PPFIA1: variants seen among roughly 807,000 people sequenced by gnomAD.
The protein encoded by PPFIA1 is PPFI scaffold protein A1.
In PPFIA1, 25 loss-of-function variants were observed where a neutral mutation model predicts 149.9. That is an observed-to-expected ratio of 0.17 (90% CI 0.12 to 0.23). The LOEUF (loss-of-function observed/expected upper bound fraction) is 0.23, where lower values mean the gene tolerates loss of function less well. PPFIA1 is among the 10% of genes least tolerant of loss of function. PPFIA1 has a pLI of 1.00. For missense variants in PPFIA1, 1,362 were observed against 1,506.5 expected, an observed-to-expected ratio of 0.90 and a Z score of 1.59; for synonymous variants, 549 against 552.8, an observed-to-expected ratio of 0.99 and a Z score of 0.10.
chr11:70,295,196 C>T (rs1486392583), intron 2 of PPFIA1, among the ~76,000 whole-genome samples: 6 of 143,212 alleles, frequency 4.2e-5, no homozygotes, highest in Admixed American at 6.9e-5. Context: ...GACCCCCCCA[C>T]CTCCCTCCCG....
chr11:70,320,036 T>A (rs2053846003), intron 2 of PPFIA1: 1 of 152,272 alleles, frequency 6.6e-6, no homozygotes, highest in African/African-American at 2.4e-5. Context: ...TGTCTGTTCT[T>A]TAAAGCATCC....
chr11:70,326,133 C>A, intron 5 of PPFIA1, 129 bp from the exon 6 acceptor site: 1 of 590,268 alleles, frequency 1.7e-6, no homozygotes, highest in Non-Finnish European at 3.0e-6. Flanking sequence ...GGTAGCATTG[C>A]CATATGCTTT....
intron 2 of PPFIA1, among the ~76,000 whole-genome samples, chr11:70,318,963 A>C (rs1034636301): frequency 2.0e-5 from 3 of 152,232 alleles, no homozygotes. Context: ...ACTGACTTGC[A>C]TGGAACAAAA....
chr11:70,311,274 C>T (rs1398019540), intron 2 of PPFIA1, among the ~76,000 whole-genome samples: 1 of 151,340 alleles, frequency 6.6e-6, no homozygotes, highest in African/African-American at 2.4e-5. Flanking sequence ...GGCCATTGCA[C>T]CCCAGCCTGG....
chr11:70,322,544 A>G (rs2054005160), intron 2 of PPFIA1, among the ~76,000 whole-genome samples: 1 of 152,104 alleles, frequency 6.6e-6, no homozygotes, highest in African/African-American at 2.4e-5. Flanking sequence ...GCACTTACAG[A>G]TCCTTACCAG....
chr11:70,344,127 C>T lies in PPFIA1; in HGVS notation c.1931+235C>T, dbSNP rs3781647. Among the ~76,000 whole-genome samples the T allele has an allele frequency of 7.2e-3, 1,093 of 152,364 alleles. 17 individuals are homozygous for T. The highest frequency in any genetic ancestry group is 0.052 in the East Asian group (267 of 5,184). On this transcript the variant is annotated intron_variant, in intron 15 of 27. Transcript: ENST00000253925. Reference sequence around the variant, plus strand: ...ACGGCACTAGTACCTTTCTGTAGGACATTGTGGGACCTGAGAGGTCCTTCC... The same window carrying T: ...ACGGCACTAGTACCTTTCTGTAGGATATTGTGGGACCTGAGAGGTCCTTCC...
At chr11:70,295,503 G>C (rs2051885831) in intron 2 of PPFIA1, among the ~76,000 whole-genome samples, 1 of 130,998 alleles carries the variant, frequency 7.6e-6, no homozygotes, top group Non-Finnish European at 1.6e-5. Flanking sequence ...TGGCCGGGTG[G>C]GGGGGCTGAC....
At chr11:70,379,244 A>C (rs2057606461) in intron 26 of PPFIA1, among the ~76,000 whole-genome samples, 1 of 152,060 alleles carries the variant, frequency 6.6e-6, no homozygotes. Context: ...CCTTGAGGCC[A>C]GGAGTTTGAG....
At chr11:70,366,707 A>G (rs1238705077) in intron 21 of PPFIA1, among the ~76,000 whole-genome samples, 1 of 152,332 alleles carries the variant, frequency 6.6e-6, no homozygotes, top group East Asian at 1.9e-4. Context: ...CTTCAGAATA[A>G]TCATTATATA....
intron 21 of PPFIA1, among the ~76,000 whole-genome samples, chr11:70,369,349 T>A (rs12288408): frequency 0.043 from 6,549 of 152,242 alleles, 511 homozygotes; most frequent in African/African-American, 0.15. Flanking sequence ...CTTGTCATGA[T>A]ATCTTATTGT....
At chr11:70,317,422 C>CT (rs2053700738) in intron 2 of PPFIA1, among the ~76,000 whole-genome samples, 1 of 151,994 alleles carries the variant, frequency 6.6e-6, no homozygotes, top group Admixed American at 6.6e-5. Context: ...AGGTTTTTTT[C>CT]TTTAAGTGGA....
rs184995461 is a variant in PPFIA1 at position 70,277,205 on chromosome 11, A to G, written c.264+4769A>G. 1.6e-3 allele frequency among the ~76,000 whole-genome samples: 250 copies of G among 151,708 alleles called. 1 individual carries two copies. The highest frequency in any genetic ancestry group is 5.4e-3 in the South Asian group (26 of 4,826). On this transcript the variant is annotated intron_variant, in intron 2 of 27. Coordinates refer to ENST00000253925, the MANE Select transcript of PPFIA1 (RefSeq NM_003626.5). ...TATATTTATTTTTAAAAATAGAGAC[A>G]GCGTCTTGCTGTATTGCCCCAGCTG...
rs145960228 is a variant in PPFIA1 at position 70,315,623 on chromosome 11, G to A, written c.265-8779G>A. On this transcript the variant is annotated intron_variant, in intron 2 of 27. Coordinates refer to ENST00000253925, the MANE Select transcript of PPFIA1 (RefSeq NM_003626.5). ...ATGTCCTTGTGTCCATTTATTAGAC[G>A]TCTTTTTGACTGAGAAGACACAAGA... Among the ~76,000 whole-genome samples, 61 of 148,120 alleles carry A rather than the reference G, an allele frequency of 4.1e-4. No homozygotes were observed. In the East Asian group the frequency reaches 0.011, roughly 27 times the overall value.
At chr11:70,335,062 G>A (rs1591258409) in intron 10 of PPFIA1, among the ~76,000 whole-genome samples, 1 of 152,044 alleles carries the variant, frequency 6.6e-6, no homozygotes, top group Non-Finnish European at 1.5e-5. Context: ...TTTCCATTAC[G>A]AGAAATTTAA....
At chr11:70,298,161 G>A (rs566050616) in intron 2 of PPFIA1, among the ~76,000 whole-genome samples, 78 of 152,148 alleles carry the variant, frequency 5.1e-4, no homozygotes, top group Non-Finnish European at 9.0e-4. Context: ...CAACTTTTCT[G>A]TTATATCACT....
Position 70,381,509 on chromosome 11 carries a change from T to C in PPFIA1, c.3551-579T>C, listed in dbSNP as rs74409643. Among the ~76,000 whole-genome samples the C allele has an allele frequency of 6.7e-4, 102 of 152,296 alleles. 1 individual carries two copies. In the East Asian group the frequency reaches 0.019, roughly 28 times the overall value. On this transcript the variant is annotated intron_variant, in intron 26 of 27. Coordinates refer to ENST00000253925, the MANE Select transcript of PPFIA1 (RefSeq NM_003626.5). ...CACTCCCTGGCCAACGCCCCACCCC[T>C]GCAGCCAGATCTCTGCACCTGCTCT...
At chr11:70,361,166 G>A (rs903219576) in intron 19 of PPFIA1, among the ~76,000 whole-genome samples, 2 of 152,210 alleles carry the variant, frequency 1.3e-5, no homozygotes, top group African/African-American at 4.8e-5. Flanking sequence ...AGTGTGAAAT[G>A]GATGGTGTTG....
intron 21 of PPFIA1, chr11:70,371,266 TTAAG>T (rs1382592525): frequency 7.2e-4 from 7 of 9,690 alleles, no homozygotes; most frequent in Non-Finnish European, 1.3e-3. Flanking sequence ...TTCAGTCTCT[TTAAG>T]TATGTTGAGA....
chr11:70,355,185 G>C (rs2056291651), intron 17 of PPFIA1, among the ~76,000 whole-genome samples: 1 of 152,154 alleles, frequency 6.6e-6, no homozygotes, highest in Non-Finnish European at 1.5e-5. Flanking sequence ...TTACAGGCGT[G>C]AGCCACCGCG....
Sources: allele counts gnomAD v4.1 joint callset (sites outside exome capture counted in the v4.1 genomes callset), GRCh38; gene constraint gnomAD v4.1.1; transcripts MANE v1.5; gene names NCBI Gene and HGNC (gene_info 2026-07-23, HGNC 2026-07-21).